The following CTNNA3 variants were observed in gnomAD, a reference collection of about 807,000 sequenced individuals.
The protein encoded by CTNNA3 is catenin alpha-3.
CTNNA3 carries 76 observed loss-of-function variants against 95.7 expected under a neutral mutation model. The observed-to-expected ratio is 0.79, with a 90% CI of 0.66 to 0.96. CTNNA3 has a LOEUF of 0.96. Ranked by LOEUF, CTNNA3 falls within the 40% of genes least tolerant of loss-of-function variation. CTNNA3 has a pLI of 0.00. For missense variants in CTNNA3, 1,191 were observed against 1,089.8 expected (o/e 1.09, Z -1.31); for synonymous variants, 431 against 374.4 (o/e 1.15, Z -1.74).
intron 11 of CTNNA3, among the ~76,000 whole-genome samples, chr10:66,395,163 C>T (rs551794394): frequency 3.3e-5 from 5 of 152,054 alleles, no homozygotes; most frequent in African/African-American, 4.8e-5. Context: ...GTTCACTTTC[C>T]TAGTCAATGA....
At chr10:67,009,225 C>A (rs1046029019) in intron 7 of CTNNA3, among the ~76,000 whole-genome samples, 1 of 152,112 alleles carries the variant, frequency 6.6e-6, no homozygotes, top group African/African-American at 2.4e-5. Context: ...TTCAAGAATA[C>A]AAATTATATT....
intron 5 of CTNNA3, among the ~76,000 whole-genome samples, chr10:67,287,794 T>A (rs1275750186): frequency 6.6e-6 from 1 of 152,196 alleles, no homozygotes. Flanking sequence ...GAAAAACATG[T>A]AGTTATAATC....
chr10:66,281,770 T>C (rs773194401), intron 12 of CTNNA3, among the ~76,000 whole-genome samples: 1 of 151,802 alleles, frequency 6.6e-6, no homozygotes, highest in Non-Finnish European at 1.5e-5. Context: ...TGCCATGTTA[T>C]TGATATGAGG....
intron 10 of CTNNA3, among the ~76,000 whole-genome samples, chr10:66,524,863 A>G (rs937335920): frequency 1.3e-5 from 2 of 152,082 alleles, no homozygotes; most frequent in Non-Finnish European, 2.9e-5. Flanking sequence ...CAGACTGACC[A>G]ATATGGAGAA....
intron 7 of CTNNA3, among the ~76,000 whole-genome samples, chr10:66,779,340 TC>T (rs1840436820): frequency 5.3e-5 from 1 of 18,698 alleles, no homozygotes; most frequent in South Asian, 2.0e-3. Context: ...CTTCCTTCCT[TC>T]TTTCTTTTCT....
At chr10:66,386,542 T>C (rs2092894170) in intron 11 of CTNNA3, among the ~76,000 whole-genome samples, 1 of 152,182 alleles carries the variant, frequency 6.6e-6, no homozygotes, top group Non-Finnish European at 1.5e-5. Flanking sequence ...ATAGATTCAA[T>C]GCCACCCCCA....
intron 2 of CTNNA3, among the ~76,000 whole-genome samples, chr10:67,619,518 A>G (rs1005251304): frequency 6.6e-5 from 10 of 152,230 alleles, no homozygotes; most frequent in African/African-American, 2.4e-4. Context: ...AACTAGTAGA[A>G]GAAAACACAG....
intron 7 of CTNNA3, among the ~76,000 whole-genome samples, chr10:67,009,879 C>A (rs909875355): frequency 6.6e-6 from 1 of 152,102 alleles, no homozygotes; most frequent in African/African-American, 2.4e-5. Context: ...ATGGTTTGTA[C>A]GTACTGTCTC....
At chr10:66,296,937 C>A (rs1411959954) in intron 12 of CTNNA3, among the ~76,000 whole-genome samples, 3 of 152,044 alleles carry the variant, frequency 2.0e-5, no homozygotes, top group African/African-American at 7.2e-5. Flanking sequence ...TTATTTTTGC[C>A]CCACTGAAAA....
intron 11 of CTNNA3, among the ~76,000 whole-genome samples, chr10:66,511,811 C>T (rs1373055348): frequency 2.0e-5 from 3 of 151,874 alleles, no homozygotes; most frequent in Non-Finnish European, 4.4e-5. Flanking sequence ...GTTCCATCTG[C>T]TGATGAGAAG....
chr10:66,020,766 G>A (rs897406554), intron 15 of CTNNA3, among the ~76,000 whole-genome samples: 2 of 150,182 alleles, frequency 1.3e-5, no homozygotes, highest in African/African-American at 4.9e-5. Context: ...CTGCCTCCCA[G>A]GTTCACGCCA....
At chr10:66,051,178 A>T (rs2079950113) in intron 15 of CTNNA3, among the ~76,000 whole-genome samples, 1 of 152,162 alleles carries the variant, frequency 6.6e-6, no homozygotes, top group African/African-American at 2.4e-5. Flanking sequence ...CCCAACCTGG[A>T]TTCTTATTTA....
chr10:67,531,631 T>C (rs1345462927), intron 4 of CTNNA3, among the ~76,000 whole-genome samples: 4 of 152,176 alleles, frequency 2.6e-5, no homozygotes, highest in African/African-American at 9.7e-5. Context: ...AGATGAGATG[T>C]TGAACTGTGG....
intron 9 of CTNNA3, 147 bp from the exon 10 acceptor site, chr10:66,621,931 GA>G (rs1844765604): frequency 1.9e-6 from 1 of 521,728 alleles, no homozygotes; most frequent in Non-Finnish European, 3.4e-6. Context: ...TCTATTTTAT[GA>G]AAGAATTCAG....
chr10:66,046,744 G>T (rs1316124398), intron 15 of CTNNA3, among the ~76,000 whole-genome samples: 1 of 151,044 alleles, frequency 6.6e-6, no homozygotes, highest in African/African-American at 2.5e-5. Context: ...AGGAAGAAAA[G>T]AGAGAATATC....
At chr10:67,268,328 T>TTAAATTAAATTAAATTAAATTAAA in intron 5 of CTNNA3, among the ~76,000 whole-genome samples, 1 of 149,350 alleles carries the variant, frequency 6.7e-6, no homozygotes, top group South Asian at 2.1e-4. Context: ...TTAAATTAAA[T>TTAAATTAAATTAAATTAAATTAAA]TAAATTAAAT....
chr10:67,705,216 G>T (rs1435333934), intron 1 of CTNNA3, among the ~76,000 whole-genome samples: 1 of 152,116 alleles, frequency 6.6e-6, no homozygotes, highest in East Asian at 1.9e-4. Context: ...GGAAGACAGT[G>T]TGGCGATTCC....
chr10:67,739,522 CAG>C (rs1354739097), intron 1 of CTNNA3, among the ~76,000 whole-genome samples: 2 of 151,922 alleles, frequency 1.3e-5, no homozygotes, highest in African/African-American at 2.4e-5. Flanking sequence ...AACAGACAAA[CAG>C]AGAGCCAAAT....
chr10:66,685,345 ATATATATT>A (rs1847247761), intron 9 of CTNNA3, among the ~76,000 whole-genome samples: 10 of 55,724 alleles, frequency 1.8e-4, no homozygotes, highest in African/African-American at 3.8e-4. Flanking sequence ...ATATATATAT[ATATATATT>A]TTTTTTTTTT....
Sources: allele counts gnomAD v4.1 joint callset (sites outside exome capture counted in the v4.1 genomes callset), GRCh38; gene constraint gnomAD v4.1.1; transcripts MANE v1.5; gene names NCBI Gene and HGNC (gene_info 2026-07-23, HGNC 2026-07-21).